CFAP298: variants seen among roughly 807,000 people sequenced by gnomAD.
CFAP298 encodes the protein cilia- and flagella-associated protein 298.
In CFAP298, 38 loss-of-function variants were observed where a neutral mutation model predicts 41.0. The ratio of observed to expected loss-of-function variants is 0.93; its 90% CI spans 0.72 to 1.22. The LOEUF is 1.22. Among genes scored for constraint, CFAP298 ranks in the 50% most tolerant of loss-of-function variants. CFAP298 has a pLI of 0.00. For synonymous variants in CFAP298, 137 were observed against 135.3 expected (o/e 1.01, Z -0.09); for missense variants, 348 against 360.3 (o/e 0.97, Z 0.28).
chr21:32,602,165 C>G (rs1472856824), intron 6 of CFAP298, 107 bp downstream of exon 6: 1 of 1,136,790 alleles, frequency 8.8e-7, no homozygotes, highest in South Asian at 1.3e-5. Context: ...TAGAAAGACC[C>G]CTCCCCGGCA....
intron 1 of CFAP298, among the ~76,000 whole-genome samples, chr21:32,611,376 T>C (rs1305372483): frequency 2.1e-5 from 3 of 144,948 alleles, no homozygotes; most frequent in Non-Finnish European, 4.5e-5. Context: ...ATATAATTTA[T>C]TTATATTCAT....
chr21:32,602,209 G>C, intron 6 of CFAP298, 63 bp downstream of exon 6: 3 of 1,509,650 alleles, frequency 2.0e-6, no homozygotes, highest in Non-Finnish European at 2.8e-6. Flanking sequence ...AGCAGCCCCA[G>C]GTAAGGCACA....
intron 2 of CFAP298, 88 bp from the exon 3 acceptor site, chr21:32,607,804 G>T: frequency 3.8e-6 from 3 of 793,836 alleles, no homozygotes; most frequent in Non-Finnish European, 6.3e-6. Flanking sequence ...TCTGAGTCAG[G>T]GGGTAAATGA....
At chr21:32,605,646 G>GT (rs2038851682) in intron 3 of CFAP298, among the ~76,000 whole-genome samples, 1 of 152,216 alleles carries the variant, frequency 6.6e-6, no homozygotes. Context: ...ACACACATCA[G>GT]TGGGGGCGTT....
At chr21:32,611,490 C>A (rs73361309) in intron 1 of CFAP298, among the ~76,000 whole-genome samples, 18,181 of 151,054 alleles carry the variant, frequency 0.12, 1,596 homozygotes, top group African/African-American at 0.25. Flanking sequence ...ATTCCAAATG[C>A]TCTACGGCCA....
chr21:32,602,543 A>G, intron 5 of CFAP298, 176 bp from the exon 6 acceptor site: 2 of 1,423,074 alleles, frequency 1.4e-6, no homozygotes, highest in Non-Finnish European at 1.8e-6. Flanking sequence ...AGCAGCCCTG[A>G]GCCCTGGACT....
At chr21:32,602,192 G>T in intron 6 of CFAP298, 80 bp downstream of exon 6, 1 of 1,386,400 alleles carries the variant, frequency 7.2e-7, no homozygotes, top group Non-Finnish European at 1.0e-6. Context: ...AGAGCTCACT[G>T]CTCCCCAGCA....
rs370084493 is a variant in CFAP298, at chr21:32,611,128, A to G, written c.139+977T>C. On this transcript the variant is annotated intron_variant, in intron 1 of 6. Transcript: ENST00000290155. ...AGACCAGCCTGGCCAACATGATGAAACCCCGTGTCCACTAAAGATACAAAT... is the reference window on the plus strand; with the variant it reads ...AGACCAGCCTGGCCAACATGATGAAGCCCCGTGTCCACTAAAGATACAAAT... Among the ~76,000 whole-genome samples the G allele has an allele frequency of 2.5e-3, 380 of 151,228 alleles. 2 individuals carry two copies. The highest frequency in any genetic ancestry group is 8.9e-3 in the African/African-American group (367 of 41,066).
At chr21:32,604,071 G>A (rs2038811026) in intron 4 of CFAP298, 54 bp downstream of exon 4, 1 of 1,562,358 alleles carries the variant, frequency 6.4e-7, no homozygotes, top group Non-Finnish European at 8.8e-7. Flanking sequence ...AAATCTTAAG[G>A]GCTTTGGGGG....
intron 1 of CFAP298, 135 bp downstream of exon 1, chr21:32,611,970 C>T: frequency 9.3e-7 from 1 of 1,077,584 alleles, no homozygotes; most frequent in Admixed American, 3.7e-5. Flanking sequence ...CCCTAGTGTC[C>T]CGTTTCAACC....
chr21:32,608,913 TC>T lies in CFAP298; in HGVS notation c.307+924del, dbSNP rs144217676. Among the ~76,000 whole-genome samples, 1,164 of 152,310 alleles carry T rather than the reference TC, an allele frequency of 7.6e-3. 16 individuals are homozygous for T. Among genetic ancestry groups the T allele is most frequent in the South Asian group, 0.03 (144 of 4,832 alleles). ...GCTAAAGGCCTTGCAGGAATACTGTTCTTTTACTCCTAACAGTGTTTTAGGG... is the reference window on the plus strand; with the variant it reads ...GCTAAAGGCCTTGCAGGAATACTGTTTTTTACTCCTAACAGTGTTTTAGGG... On this transcript the variant is annotated intron_variant, in intron 2 of 6. Transcript: ENST00000290155.
chr21:32,602,026 C>A, intron 6 of CFAP298, 53 bp from the exon 7 acceptor site: 1 of 1,146,992 alleles, frequency 8.7e-7, no homozygotes, highest in Non-Finnish European at 1.3e-6. Flanking sequence ...GTGTTTTGCA[C>A]ATAAAGAGAC....
chr21:32,603,846 T>C (rs916083615), intron 4 of CFAP298, among the ~76,000 whole-genome samples: 16 of 152,300 alleles, frequency 1.1e-4, no homozygotes, highest in African/African-American at 3.8e-4. Context: ...GCTGGCTTCC[T>C]AGCAGCCAAA....
At position 32,612,229 on chromosome 21, in the gene CFAP298, G is replaced by T. The variant is rs923453820; in HGVS notation, c.15C>A (p.His5Gln). ...ACTGGCTCTCGTCGCCCCGCTTCAC[G>T]TGCAGCAGAACCATGGCGGTCCCGC... MVLL[H>Q]VKRGDESQFL... Residue 5 changes from histidine to glutamine, a missense_variant, in exon 1 of 7, where the codon CAC (histidine) becomes CAA (glutamine). Transcript: ENST00000290155. 1 of 1,610,248 alleles carries T rather than the reference G, an allele frequency of 6.2e-7. No homozygotes were observed. The highest frequency in any genetic ancestry group is 8.5e-7 in the Non-Finnish European group (1 of 1,178,980).
chr21:32,605,726 G>A (rs1356062429), intron 3 of CFAP298, among the ~76,000 whole-genome samples: 1 of 152,172 alleles, frequency 6.6e-6, no homozygotes, highest in Non-Finnish European at 1.5e-5. Context: ...ACGTGCAGCT[G>A]GTGTCTGAAA....
Position 32,612,127 on chromosome 21 carries a change from G to T in CFAP298, c.117C>A (p.Leu39=), listed in dbSNP as rs2039015106. ...CACCTGAGCAGAGGCGCTGCACCTT[G>T]AGCCGCCCATTATAGACCCGGGCCA... ...VQVARVYNGR[L]KVQRLCSEME... The change falls in exon 1 of 7, where the codon CTC becomes CTA. Residue 39 remains leucine, a synonymous_variant. Transcript: ENST00000290155. The T allele has an allele frequency of 6.4e-7, 1 of 1,561,412 alleles. No individual in the cohort carries two copies.
intron 2 of CFAP298, 101 bp from the exon 3 acceptor site, chr21:32,607,817 T>A: frequency 1.4e-6 from 1 of 717,824 alleles, no homozygotes. Context: ...GTAAATGAAC[T>A]GAGAGAGAGT....
At chr21:32,607,069 A>G (rs2038881398) in intron 3 of CFAP298, among the ~76,000 whole-genome samples, 1 of 152,234 alleles carries the variant, frequency 6.6e-6, no homozygotes, top group South Asian at 2.1e-4. Flanking sequence ...AAATGAAATC[A>G]ACATTTGTAT....
At chr21:32,611,531 A>C (rs1019059491) in intron 1 of CFAP298, among the ~76,000 whole-genome samples, 2 of 151,776 alleles carry the variant, frequency 1.3e-5, no homozygotes, top group Non-Finnish European at 2.9e-5. Flanking sequence ...AATGGACAGC[A>C]CAGATGGGGG....
Sources: allele counts gnomAD v4.1 joint callset (sites outside exome capture counted in the v4.1 genomes callset), GRCh38; gene constraint gnomAD v4.1.1; transcripts MANE v1.5; gene names NCBI Gene and HGNC (gene_info 2026-07-23, HGNC 2026-07-21).